The following UCK2 variants were observed in gnomAD, a reference collection of about 807,000 sequenced individuals.
UCK2 encodes uridine-cytidine kinase 2, also known as cytidine monophosphokinase 2.
UCK2 carries 6 observed loss-of-function variants against 30.8 expected under a neutral mutation model. That is an observed-to-expected ratio of 0.19 (90% CI 0.11 to 0.38). The LOEUF (loss-of-function observed/expected upper bound fraction) is 0.38, where lower values mean the gene tolerates loss of function less well. UCK2 is among the 10% of genes least tolerant of loss of function. The pLI is 1.00. For synonymous variants in UCK2, 125 were observed against 133.6 expected (o/e 0.94, Z 0.45); for missense variants, 210 against 339.8 (o/e 0.62, Z 3.00).
intron 1 of UCK2, among the ~76,000 whole-genome samples, chr1:165,879,364 C>T (rs1185499191): frequency 6.6e-6 from 1 of 152,134 alleles, no homozygotes; most frequent in Non-Finnish European, 1.5e-5. Flanking sequence ...CATTCAGTTG[C>T]TTCAGCACCA....
chr1:165,903,611 A>G (rs979755425), intron 5 of UCK2, among the ~76,000 whole-genome samples: 4 of 152,098 alleles, frequency 2.6e-5, no homozygotes, highest in Non-Finnish European at 5.9e-5. Context: ...ATATCCAAGG[A>G]GAGTCCTCAG....
At chr1:165,890,479 TAGGG>T in intron 2 of UCK2, 116 bp downstream of exon 2, 1 of 1,061,512 alleles carries the variant, frequency 9.4e-7, no homozygotes, top group Non-Finnish European at 1.4e-6. Context: ...ATCTAGAACG[TAGGG>T]ACTTGATAAC....
At chr1:165,861,006 A>C (rs1287970095) in intron 1 of UCK2, among the ~76,000 whole-genome samples, 1 of 152,180 alleles carries the variant, frequency 6.6e-6, no homozygotes, top group African/African-American at 2.4e-5. Context: ...AAACAACAGG[A>C]ATTTATAGCT....
rs944988751 is a variant in UCK2, at chr1:165,840,608, T to C, written c.99+12676T>C. On this transcript the variant is annotated intron_variant, in intron 1 of 6. Transcript: ENST00000367879. ...ATAGTGATAAGGAGCCTTTATAGTT[T>C]AAGTCCCACTGACTAATGTGAGTTA... Among the ~76,000 whole-genome samples, 37 of 152,216 alleles carry C rather than the reference T, an allele frequency of 2.4e-4. 1 individual carries two copies. Among genetic ancestry groups the C allele is most frequent in the Non-Finnish European group, 7.3e-5 (5 of 68,046 alleles).
At chr1:165,833,660 A>T (rs1416864691) in intron 1 of UCK2, among the ~76,000 whole-genome samples, 1 of 151,990 alleles carries the variant, frequency 6.6e-6, no homozygotes, top group African/African-American at 2.4e-5. Context: ...TGTGATGGAG[A>T]CAGATTGTCT....
chr1:165,846,082 A>G (rs562851891), intron 1 of UCK2, among the ~76,000 whole-genome samples: 17 of 152,292 alleles, frequency 1.1e-4, no homozygotes, highest in Admixed American at 9.8e-4. Flanking sequence ...ACTTGAGCCC[A>G]GGAGTTCCAG....
intron 1 of UCK2, among the ~76,000 whole-genome samples, chr1:165,877,072 A>G (rs1409843568): frequency 2.0e-5 from 3 of 152,204 alleles, no homozygotes; most frequent in Admixed American, 1.3e-4. Context: ...TTGGGGGGCA[A>G]CAATGTAACT....
chr1:165,871,238 A>G (rs903043447), intron 1 of UCK2, among the ~76,000 whole-genome samples: 2 of 152,198 alleles, frequency 1.3e-5, no homozygotes, highest in Non-Finnish European at 2.9e-5. Flanking sequence ...TCATACTCTT[A>G]ACAGGATACC....
intron 1 of UCK2, among the ~76,000 whole-genome samples, chr1:165,861,485 G>A (rs948718589): frequency 2.7e-5 from 4 of 150,552 alleles, no homozygotes; most frequent in Non-Finnish European, 4.4e-5. Context: ...AAAATTAGCC[G>A]GGCGTAGTGG....
chr1:165,832,166 T>C (rs983216449), intron 1 of UCK2, among the ~76,000 whole-genome samples: 3 of 152,232 alleles, frequency 2.0e-5, no homozygotes, highest in African/African-American at 7.2e-5. Context: ...TGGCCTTTAG[T>C]CTTTTTAAGG....
At chr1:165,881,175 T>C in intron 1 of UCK2, among the ~76,000 whole-genome samples, 1 of 32,576 alleles carries the variant, frequency 3.1e-5, no homozygotes, top group East Asian at 1.0e-3. Flanking sequence ...TCTGTCTCAA[T>C]AAAACTTAAA....
chr1:165,841,424 T>C (rs1192370914), intron 1 of UCK2, among the ~76,000 whole-genome samples: 1 of 151,996 alleles, frequency 6.6e-6, no homozygotes, highest in Non-Finnish European at 1.5e-5. Context: ...CCTCAGGTGA[T>C]CCACCCCCAA....
At chr1:165,865,463 A>G (rs1192982437) in intron 1 of UCK2, among the ~76,000 whole-genome samples, 2 of 152,212 alleles carry the variant, frequency 1.3e-5, no homozygotes, top group Non-Finnish European at 2.9e-5. Context: ...CCAGGAAGAC[A>G]GTCATTCCCA....
Position 165,844,635 on chromosome 1 carries a change from G to A in UCK2, c.99+16703G>A, listed in dbSNP as rs189970644. Among the ~76,000 whole-genome samples the A allele has an allele frequency of 1.0e-3, 157 of 152,304 alleles. 2 individuals carry two copies. In the Middle Eastern group the frequency reaches 0.034, roughly 33 times the overall value. On this transcript the variant is annotated intron_variant, in intron 1 of 6. Transcript: ENST00000367879. ...CTAAGGGAACGAACCGCGTGATTAC[G>A]GTGTTAGAACTTTCAGCCCCATGCC...
chr1:165,889,015 C>CT (rs970748475), intron 1 of UCK2, among the ~76,000 whole-genome samples: 11 of 152,046 alleles, frequency 7.2e-5, no homozygotes, highest in African/African-American at 1.9e-4. Flanking sequence ...ATCTGTTTTT[C>CT]TTTTTTTTAA....
intron 1 of UCK2, among the ~76,000 whole-genome samples, chr1:165,828,281 G>T (rs1653948142): frequency 6.6e-6 from 1 of 152,210 alleles, no homozygotes; most frequent in Non-Finnish European, 1.5e-5. Context: ...TGTCGGGGGA[G>T]AGGGCTTTCC....
intron 1 of UCK2, among the ~76,000 whole-genome samples, chr1:165,851,333 A>C (rs1054723055): frequency 2.0e-5 from 3 of 151,906 alleles, no homozygotes; most frequent in Non-Finnish European, 4.4e-5. Context: ...GCCTTTGTCT[A>C]CTTTCTTTTG....
chr1:165,882,461 T>G (rs2101877145), intron 1 of UCK2, among the ~76,000 whole-genome samples: 2 of 152,322 alleles, frequency 1.3e-5, no homozygotes, highest in Middle Eastern at 3.4e-3. Context: ...CCTCATTATT[T>G]CAGAATGTTT....
chr1:165,891,635 C>T, intron 3 of UCK2: 1 of 266,084 alleles, frequency 3.8e-6, no homozygotes, highest in East Asian at 7.9e-5. Flanking sequence ...TGCTGCTGTT[C>T]CTGGAACAAG....
Sources: gnomAD v4.1 joint callset for allele counts (sites outside exome capture counted in the v4.1 genomes callset) on GRCh38, gnomAD v4.1.1 for gene constraint, MANE v1.5 for transcripts, NCBI Gene and HGNC (gene_info 2026-07-23, HGNC 2026-07-21) for gene names.